TRABD2B: variants seen among roughly 807,000 people sequenced by gnomAD.
The protein encoded by TRABD2B is metalloprotease TIKI2.
In TRABD2B, 14 loss-of-function variants were observed where a neutral mutation model predicts 40.1. That is an observed-to-expected ratio of 0.35 (90% CI 0.23 to 0.55). The LOEUF is 0.55. TRABD2B is among the 20% of genes least tolerant of loss of function. The pLI is 0.90. For missense variants in TRABD2B, 541 were observed against 648.6 expected, an observed-to-expected ratio of 0.83 and a Z score of 1.80; for synonymous variants, 263 against 277.0, an observed-to-expected ratio of 0.95 and a Z score of 0.50.
intron 2 of TRABD2B, among the ~76,000 whole-genome samples, chr1:47,909,332 G>A (rs921811344): frequency 2.6e-5 from 4 of 152,084 alleles, no homozygotes; most frequent in African/African-American, 7.2e-5. Flanking sequence ...GAGGGCCGCA[G>A]GCTGCTTCCA....
chr1:47,960,478 C>G (rs954109543), intron 2 of TRABD2B, among the ~76,000 whole-genome samples: 5 of 152,130 alleles, frequency 3.3e-5, no homozygotes, highest in Non-Finnish European at 7.3e-5. Context: ...ATTGTCTCAG[C>G]CCAAAATCTC....
At chr1:47,804,161 G>C (rs1448373857) in intron 2 of TRABD2B, among the ~76,000 whole-genome samples, 1 of 152,190 alleles carries the variant, frequency 6.6e-6, no homozygotes, top group African/African-American at 2.4e-5. Context: ...CTGGAGATGA[G>C]GTCAGCCCCC....
intron 2 of TRABD2B, among the ~76,000 whole-genome samples, chr1:47,850,845 T>C (rs912434352): frequency 3.9e-5 from 6 of 152,160 alleles, no homozygotes; most frequent in African/African-American, 1.4e-4. Context: ...CTCCACAGAC[T>C]CGGGGGTTGG....
At chr1:47,911,311 T>G (rs1042652164) in intron 2 of TRABD2B, among the ~76,000 whole-genome samples, 1 of 152,214 alleles carries the variant, frequency 6.6e-6, no homozygotes, top group Non-Finnish European at 1.5e-5. Context: ...GGACCCACTC[T>G]GCACAGGCCT....
At chr1:47,902,857 A>G (rs1051517071) in intron 2 of TRABD2B, among the ~76,000 whole-genome samples, 1 of 152,230 alleles carries the variant, frequency 6.6e-6, no homozygotes, top group Non-Finnish European at 1.5e-5. Context: ...ACTGAGGAAT[A>G]TAATTTTAAT....
intron 2 of TRABD2B, among the ~76,000 whole-genome samples, chr1:47,945,065 A>G (rs1019077228): frequency 7.2e-5 from 11 of 152,272 alleles, no homozygotes; most frequent in African/African-American, 2.2e-4. Context: ...TGGGGAACAG[A>G]TCTCCAAGGG....
chr1:47,981,437 GCT>G (rs905146358), intron 2 of TRABD2B, among the ~76,000 whole-genome samples: 2 of 152,130 alleles, frequency 1.3e-5, no homozygotes, highest in African/African-American at 4.8e-5. Context: ...GTGAATTACC[GCT>G]CTGTGACTCA....
At chr1:47,989,504 T>G (rs1323041460) in intron 2 of TRABD2B, among the ~76,000 whole-genome samples, 1 of 152,144 alleles carries the variant, frequency 6.6e-6, no homozygotes, top group Admixed American at 6.5e-5. Flanking sequence ...ACCAAGGAGA[T>G]CTTTATTCAA....
At chr1:47,823,902 A>G (rs1645142326) in intron 2 of TRABD2B, among the ~76,000 whole-genome samples, 1 of 152,140 alleles carries the variant, frequency 6.6e-6, no homozygotes, top group Admixed American at 6.5e-5. Flanking sequence ...ACCAACATCA[A>G]CAGGGCTCTT....
chr1:47,761,280 C>T lies in TRABD2B; in HGVS notation c.*4622G>A, dbSNP rs1644240745. The T allele has an allele frequency of 6.6e-6, 1 of 152,300 alleles. No individual in the cohort carries two copies. The highest frequency in any genetic ancestry group is 1.5e-5 in the Non-Finnish European group (1 of 68,120). 9.4% of individuals were successfully genotyped at this position (152,300 alleles called of 1,614,324 possible). A position where few individuals can be genotyped will look rare whatever the true frequency, so the allele number is the denominator to read the frequency against. ...GAAAGGGTGAGGATAGCCGATGCTC[C>T]CTGGAAAGAGCCAAGTAGGGGGTCA... On this transcript the variant is annotated 3_prime_UTR_variant, in exon 7 of 7. Coordinates refer to ENST00000606738, the MANE Select transcript of TRABD2B (RefSeq NM_001194986.2).
chr1:47,817,495 C>G (rs953988547), intron 2 of TRABD2B, among the ~76,000 whole-genome samples: 1 of 152,140 alleles, frequency 6.6e-6, no homozygotes, highest in African/African-American at 2.4e-5. Flanking sequence ...GGGGAACATG[C>G]CTCAGCTACA....
At chr1:47,839,109 T>C (rs1011402362) in intron 2 of TRABD2B, among the ~76,000 whole-genome samples, 5 of 152,098 alleles carry the variant, frequency 3.3e-5, no homozygotes, top group Admixed American at 6.5e-5. Flanking sequence ...CTTCAAGACA[T>C]TGTGGGATAA....
rs545958471 is a variant in TRABD2B at position 47,960,335 on chromosome 1, A to G, written c.666+33699T>C. 1.8e-4 allele frequency among the ~76,000 whole-genome samples: 28 copies of G among 152,346 alleles called. 1 individual carries two copies. Among genetic ancestry groups the G allele is most frequent in the Admixed American group, 2.0e-4 (3 of 15,306 alleles). The stretch of plus-strand genomic sequence containing the variant: ...GGGGATGCCCTCTCTCACCACTCCT[A>G]TTCAACATAGTGTTGGAAGTTCTGG... On this transcript the variant is annotated intron_variant, in intron 2 of 6. Transcript: ENST00000606738.
intron 2 of TRABD2B, among the ~76,000 whole-genome samples, chr1:47,820,448 CAT>C (rs1645090121): frequency 6.6e-6 from 1 of 152,186 alleles, no homozygotes; most frequent in South Asian, 2.1e-4. Flanking sequence ...CACGAGAACA[CAT>C]GTTTAGACAG....
intron 2 of TRABD2B, among the ~76,000 whole-genome samples, chr1:47,963,124 C>A (rs1233805153): frequency 6.6e-6 from 1 of 152,262 alleles, no homozygotes; most frequent in African/African-American, 2.4e-5. Context: ...TGAGCACAGA[C>A]TGACTTAAAC....
intron 2 of TRABD2B, among the ~76,000 whole-genome samples, chr1:47,890,264 C>T (rs1050273955): frequency 6.6e-6 from 1 of 152,204 alleles, no homozygotes; most frequent in African/African-American, 2.4e-5. Flanking sequence ...GTGGTAATAG[C>T]AGCAGTGGCT....
At chr1:47,798,032 C>A (rs777274228) in intron 3 of TRABD2B, among the ~76,000 whole-genome samples, 1 of 152,144 alleles carries the variant, frequency 6.6e-6, no homozygotes, top group African/African-American at 2.4e-5. Context: ...CCAACAGACA[C>A]CCTGTGGGAA....
chr1:47,884,213 C>T (rs1384267311), intron 2 of TRABD2B, among the ~76,000 whole-genome samples: 2 of 152,050 alleles, frequency 1.3e-5, no homozygotes, highest in East Asian at 1.9e-4. Flanking sequence ...CAGCAGTGGC[C>T]GTGTGATTTG....
intron 3 of TRABD2B, 97 bp downstream of exon 3, chr1:47,801,376 C>T: frequency 1.5e-6 from 2 of 1,293,102 alleles, no homozygotes; most frequent in Non-Finnish European, 2.1e-6. Flanking sequence ...AACGATAGCT[C>T]CTTCTTGCCA....
Sources: allele counts gnomAD v4.1 joint callset (sites outside exome capture counted in the v4.1 genomes callset), GRCh38; gene constraint gnomAD v4.1.1; transcripts MANE v1.5; gene names NCBI Gene and HGNC (gene_info 2026-07-23, HGNC 2026-07-21).